EEFSEC: variants seen among roughly 807,000 people sequenced by gnomAD.
The protein encoded by EEFSEC is eukaryotic elongation factor, selenocysteine-tRNA specific, also known as selenocysteine-specific elongation factor.
In EEFSEC, 43 loss-of-function variants were observed where a neutral mutation model predicts 42.1. The ratio of observed to expected loss-of-function variants is 1.02; its 90% CI spans 0.80 to 1.32. EEFSEC has a LOEUF of 1.32. EEFSEC is among the 40% of genes most tolerant of loss of function. The pLI, the probability that EEFSEC is intolerant of heterozygous loss-of-function variation, is 0.00. For missense variants in EEFSEC, 745 were observed against 803.6 expected (o/e 0.93, Z 0.88); for synonymous variants, 354 against 339.1 (o/e 1.04, Z -0.48).
intron 1 of EEFSEC, among the ~76,000 whole-genome samples, chr3:128,224,720 G>A (rs777382635): frequency 7.9e-5 from 12 of 152,236 alleles, no homozygotes; most frequent in African/African-American, 2.6e-4. Context: ...ATTTTCTTGC[G>A]TAAATCAATG....
At chr3:128,314,705 G>A (rs921989754) in intron 4 of EEFSEC, among the ~76,000 whole-genome samples, 1 of 152,174 alleles carries the variant, frequency 6.6e-6, no homozygotes, top group African/African-American at 2.4e-5. Flanking sequence ...ATTGTAGGAT[G>A]TTTAGAAACA....
chr3:128,211,749 C>A (rs1035473292), intron 1 of EEFSEC, among the ~76,000 whole-genome samples: 1 of 151,280 alleles, frequency 6.6e-6, no homozygotes, highest in East Asian at 1.9e-4. Context: ...CTCCTGAGTT[C>A]AGGCAATTTG....
At position 128,153,564 on chromosome 3, in the gene EEFSEC, C is replaced by T; in HGVS notation, c.57C>T (p.Gly19=). 3.9e-6 allele frequency: 6 copies of T among 1,537,064 alleles called. No homozygotes were observed. The highest frequency in any genetic ancestry group is 5.2e-6 in the Non-Finnish European group (6 of 1,148,558). Residue 19 remains glycine, a synonymous_variant, in exon 1 of 7, where the codon GGC becomes GGT. Coordinates refer to ENST00000254730, the MANE Select transcript of EEFSEC (RefSeq NM_021937.5). The part of the protein sequence containing the change: ...NVGVLGHIDS[G]KTALARALST... ...GCGTGCTGGGCCACATCGACAGCGG[C>T]AAGACGGCGCTGGCGCGGGCGCTAA...
chr3:128,191,458 T>G (rs927433996), intron 1 of EEFSEC, among the ~76,000 whole-genome samples: 3 of 152,068 alleles, frequency 2.0e-5, no homozygotes, highest in African/African-American at 4.8e-5. Flanking sequence ...GGGTATTTTT[T>G]TTATTATGGT....
intron 1 of EEFSEC, among the ~76,000 whole-genome samples, chr3:128,238,250 T>G (rs1023090183): frequency 2.0e-5 from 3 of 152,178 alleles, no homozygotes; most frequent in Admixed American, 6.5e-5. Flanking sequence ...TGGGAATGCA[T>G]GCCTGTTCTC....
At chr3:128,252,778 T>A (rs1243613605) in intron 2 of EEFSEC, among the ~76,000 whole-genome samples, 3 of 152,204 alleles carry the variant, frequency 2.0e-5, no homozygotes, top group African/African-American at 7.2e-5. Flanking sequence ...TCAGCTTGCA[T>A]ACACAGTCAG....
intron 4 of EEFSEC, among the ~76,000 whole-genome samples, chr3:128,290,970 G>A (rs771313919): frequency 1.3e-5 from 2 of 151,866 alleles, no homozygotes; most frequent in South Asian, 2.1e-4. Context: ...GGCTGGTCTC[G>A]AACTCCCGAC....
At chr3:128,375,188 G>A (rs1247824806) in intron 6 of EEFSEC, among the ~76,000 whole-genome samples, 11 of 152,236 alleles carry the variant, frequency 7.2e-5, no homozygotes, top group Admixed American at 6.5e-4. Context: ...GTGAGTTCGA[G>A]TGTGTTTCTC....
At chr3:128,391,382 G>A (rs1559954996) in intron 6 of EEFSEC, among the ~76,000 whole-genome samples, 1 of 152,248 alleles carries the variant, frequency 6.6e-6, no homozygotes, top group Non-Finnish European at 1.5e-5. Context: ...ACCTGGGTTG[G>A]GGTGGCCTCC....
At chr3:128,276,455 C>A (rs1422618154) in intron 4 of EEFSEC, among the ~76,000 whole-genome samples, 2 of 152,224 alleles carry the variant, frequency 1.3e-5, no homozygotes, top group African/African-American at 4.8e-5. Context: ...TTGTCACATA[C>A]TGTGCAGCCT....
intron 4 of EEFSEC, among the ~76,000 whole-genome samples, chr3:128,330,339 C>G (rs1266679054): frequency 2.0e-5 from 3 of 152,190 alleles, no homozygotes; most frequent in African/African-American, 7.2e-5. Flanking sequence ...TTCCCTTCCT[C>G]TCAGAGTGTG....
At chr3:128,307,440 A>G (rs1040584053) in intron 4 of EEFSEC, among the ~76,000 whole-genome samples, 1 of 152,176 alleles carries the variant, frequency 6.6e-6, no homozygotes, top group African/African-American at 2.4e-5. Flanking sequence ...AGAGGGACCC[A>G]GCGGGGCCCA....
intron 2 of EEFSEC, among the ~76,000 whole-genome samples, chr3:128,261,826 G>A (rs938475385): frequency 6.6e-6 from 1 of 152,196 alleles, no homozygotes; most frequent in Non-Finnish European, 1.5e-5. Flanking sequence ...CAGAAGCCTA[G>A]GGGCCAGGAT....
At chr3:128,365,323 G>A (rs1012916461) in intron 6 of EEFSEC, among the ~76,000 whole-genome samples, 2 of 152,180 alleles carry the variant, frequency 1.3e-5, no homozygotes, top group African/African-American at 2.4e-5. Context: ...CGGGTCAGAC[G>A]AGGCCAAGGT....
chr3:128,185,952 A>G (rs1260083654), intron 1 of EEFSEC, among the ~76,000 whole-genome samples: 1 of 152,194 alleles, frequency 6.6e-6, no homozygotes, highest in Non-Finnish European at 1.5e-5. Context: ...TCCTGGGTAT[A>G]AATATACCCA....
At chr3:128,292,720 GTTTAT>G (rs1056503150) in intron 4 of EEFSEC, among the ~76,000 whole-genome samples, 34 of 151,704 alleles carry the variant, frequency 2.2e-4, no homozygotes, top group African/African-American at 8.0e-4. Flanking sequence ...CTAGATGTTT[GTTTAT>G]TTTATTAATC....
chr3:128,340,712 C>T (rs1362185236), intron 4 of EEFSEC, among the ~76,000 whole-genome samples: 5 of 152,194 alleles, frequency 3.3e-5, no homozygotes, highest in Admixed American at 6.5e-5. Flanking sequence ...GAGTCAGGGT[C>T]AAGTTCTGCC....
intron 6 of EEFSEC, among the ~76,000 whole-genome samples, chr3:128,386,414 G>A (rs755587671): frequency 6.6e-6 from 1 of 152,008 alleles, no homozygotes; most frequent in African/African-American, 2.4e-5. Context: ...TCCATGCTGA[G>A]CACATCCCCT....
chr3:128,210,178 C>T (rs538283071), intron 1 of EEFSEC, among the ~76,000 whole-genome samples: 4 of 152,240 alleles, frequency 2.6e-5, no homozygotes, highest in South Asian at 2.1e-4. Context: ...GAAACTGTTT[C>T]GTTATTTAGT....
Sources: allele counts gnomAD v4.1 joint callset (sites outside exome capture counted in the v4.1 genomes callset), GRCh38; gene constraint gnomAD v4.1.1; transcripts MANE v1.5; gene names NCBI Gene and HGNC (gene_info 2026-07-23, HGNC 2026-07-21).